SYTL1: variants seen among roughly 807,000 people sequenced by gnomAD.
The protein encoded by SYTL1 is synaptotagmin like 1.
Under a neutral mutation model 74.6 loss-of-function variants are expected in SYTL1, and 53 were observed. That is an observed-to-expected ratio of 0.71 (90% CI 0.57 to 0.89). SYTL1 has a LOEUF of 0.89. Among genes scored for constraint, SYTL1 ranks in the 40% least tolerant of loss-of-function variants. SYTL1 has a pLI of 0.00. For missense variants in SYTL1, 728 were observed against 768.7 expected (o/e 0.95, Z 0.63); for synonymous variants, 329 against 324.9 (o/e 1.01, Z -0.14).
chr1:27,349,371 C>G (rs1571039206), intron 6 of SYTL1, 27 bp from the exon 7 acceptor site: 1 of 1,353,490 alleles, frequency 7.4e-7, no homozygotes. Flanking sequence ...GGAGAGGGCT[C>G]GCTTAGCATC....
Position 27,347,616 on chromosome 1 carries a change from C to T in SYTL1, c.340+47C>T, listed in dbSNP as rs770618378. The T allele has an allele frequency of 6.4e-5, 103 of 1,599,070 alleles. 1 individual carries two copies. The highest frequency in any genetic ancestry group is 6.5e-5 in the Non-Finnish European group (76 of 1,171,750). On this transcript the variant is annotated intron_variant, in intron 3 of 14. Coordinates refer to ENST00000616558, the MANE Select transcript of SYTL1 (RefSeq NM_001193308.2). The surrounding 1 kb of genome is among the most constrained non-coding windows in gnomAD (Gnocchi z 4.9). ...AGGGCAAGCCATGTGCCGTCCAGGGCGCTGGCTGTATGTGGACAGGGAGAG... is the reference window on the plus strand; with the variant it reads ...AGGGCAAGCCATGTGCCGTCCAGGGTGCTGGCTGTATGTGGACAGGGAGAG...
In SYTL1 at chr1:27,350,799, C is replaced by T. The variant is rs115175073; in HGVS notation, c.1011C>T (p.Ser337=). 8.0e-3 allele frequency: 12,947 copies of T among 1,613,760 alleles called. 77 individuals are homozygous for T. The highest frequency in any genetic ancestry group is 0.01 in the Non-Finnish European group (11,949 of 1,180,022). The change falls in exon 11 of 15, where the codon TCC becomes TCT. Residue 337 remains serine (S), a synonymous_variant. Coordinates refer to ENST00000616558, the MANE Select transcript of SYTL1 (RefSeq NM_001193308.2). The surrounding 1 kb of genome is among the most constrained non-coding windows in gnomAD (Gnocchi z 6.3). ...AGCTCACCTCCTGTCCTCAGTACTC[C>T]GTCCCGCAGGCCGAGCTTCAGGGCC... is the stretch of plus-strand genomic sequence containing the variant. ...NPVFNETLRY[S]VPQAELQGRV...
Position 27,350,306 on chromosome 1 carries a change from C to G in SYTL1, c.909-83C>G, listed in dbSNP as rs970557903. ...CTTAGCACGAGGCCTGGCACGTGTT[C>G]GGGATGGTGGCTGGGGGAGCCCACA... On this transcript the variant is annotated intron_variant, in intron 9 of 14. Coordinates refer to ENST00000616558, the MANE Select transcript of SYTL1 (RefSeq NM_001193308.2). This position sits in a 1 kb window ranked among gnomAD's most constrained non-coding sequence, Gnocchi z 6.3. 9 of 1,504,824 alleles carry G rather than the reference C, an allele frequency of 6.0e-6. No homozygotes were observed. In the East Asian group the frequency reaches 2.0e-4, roughly 34 times the overall value. The allele number at this position is 1,504,824 out of a possible 1,614,324, so 93.2% of individuals were successfully genotyped here. A position where few individuals can be genotyped will look rare whatever the true frequency, so the allele number is the denominator to read the frequency against.
chr1:27,348,732 T>A lies in SYTL1; in HGVS notation c.460-348T>A, dbSNP rs4246507. ...CAATTAAAAATAATAAGAATAAATT[T>A]AAAAAAAGAAAAAAGGTTGTCTACC... On this transcript the variant is annotated intron_variant, in intron 5 of 14. Coordinates refer to ENST00000616558, the MANE Select transcript of SYTL1 (RefSeq NM_001193308.2). This position sits in a 1 kb window ranked among gnomAD's most constrained non-coding sequence, Gnocchi z 4.1. 0.67 allele frequency among the ~76,000 whole-genome samples: 102,093 copies of A among 151,770 alleles called. 35,125 individuals carry two copies. The highest frequency in any genetic ancestry group is 0.73 in the South Asian group (3,520 of 4,818).
Position 27,350,989 on chromosome 1 carries a change from C to T in SYTL1, c.1164+37C>T, listed in dbSNP as rs761723904. ...AGGCCGCGTGGGGAGACCTGCGGCCCGGGTCTCCTGCATTTACCCCACCAG... is the reference window on the plus strand; with the variant it reads ...AGGCCGCGTGGGGAGACCTGCGGCCTGGGTCTCCTGCATTTACCCCACCAG... On this transcript the variant is annotated intron_variant, in intron 11 of 14. Transcript: ENST00000616558. The surrounding 1 kb of genome is among the most constrained non-coding windows in gnomAD (Gnocchi z 6.3). The T allele has an allele frequency of 9.3e-6, 15 of 1,608,866 alleles. No individual in the cohort carries two copies. The highest frequency in any genetic ancestry group is 1.7e-5 in the Admixed American group (1 of 59,860).
chr1:27,349,157 G>T lies in SYTL1; in HGVS notation c.532+5G>T. ...AGGCGTCCCAGGCCCAGGAAGGTGAGTGGGAGCGCCTGTTGGGGAGCACGG... is the reference window on the plus strand; with the variant it reads ...AGGCGTCCCAGGCCCAGGAAGGTGATTGGGAGCGCCTGTTGGGGAGCACGG... On this transcript the variant is annotated splice_donor_5th_base_variant and intron_variant, in intron 6 of 14. Coordinates refer to ENST00000616558, the MANE Select transcript of SYTL1 (RefSeq NM_001193308.2). 1 of 1,613,334 alleles carries T rather than the reference G, an allele frequency of 6.2e-7. No homozygotes were observed. Among genetic ancestry groups the T allele is most frequent in the Non-Finnish European group, 8.5e-7 (1 of 1,179,342 alleles).
At chr1:27,349,943 C>A in intron 8 of SYTL1, 29 bp from the exon 9 acceptor site, 2 of 1,566,626 alleles carry the variant, frequency 1.3e-6, no homozygotes, top group Admixed American at 1.8e-5. Flanking sequence ...CTGCGAGCGG[C>A]CCTGACTCCC....
At chr1:27,352,122 C>G (rs1218125621) in intron 13 of SYTL1, 1 of 151,942 alleles carries the variant, frequency 6.6e-6, no homozygotes, top group Non-Finnish European at 1.5e-5. Context: ...GGTGGATCAC[C>G]TGAGGTCAGG....
rs1377247027 is a variant in SYTL1 at position 27,342,989 on chromosome 1, C to G, written c.-39+839C>G. Reference sequence around the variant, plus strand: ...TGCACACCGTGCAGCCGTGCTGAGGCCTTCTGCTCCTGAGGGTGTCAAGAG... The same window carrying G: ...TGCACACCGTGCAGCCGTGCTGAGGGCTTCTGCTCCTGAGGGTGTCAAGAG... On this transcript the variant is annotated intron_variant, in intron 1 of 14. Coordinates refer to ENST00000616558, the MANE Select transcript of SYTL1 (RefSeq NM_001193308.2). This position sits in a 1 kb window ranked among gnomAD's most constrained non-coding sequence, Gnocchi z 4.7. 2.0e-5 allele frequency among the ~76,000 whole-genome samples: 3 copies of G among 152,360 alleles called. No individual in the cohort carries two copies. The highest frequency in any genetic ancestry group is 7.2e-5 in the African/African-American group (3 of 41,576).
Position 27,353,247 on chromosome 1 carries a change from G to T in SYTL1, c.1344-36G>T, listed in dbSNP as rs370313231. 10 of 1,553,812 alleles carry T rather than the reference G, an allele frequency of 6.4e-6. No individual in the cohort carries two copies. The Middle Eastern group carries it at 5.0e-4, about 78-fold the overall frequency. ...GACTGGATGACTCTAGGGAGTGTGA[G>T]GGGGGTCACCTGATGCCAGGCCACC... On this transcript the variant is annotated intron_variant, in intron 13 of 14. Coordinates refer to ENST00000616558, the MANE Select transcript of SYTL1 (RefSeq NM_001193308.2).
rs1272972366 is a variant in SYTL1 at position 27,350,051 on chromosome 1, A to ACGAGC, written c.830_834dup (p.Gly279SerfsTer11). 1.3e-6 allele frequency: 2 copies of ACGAGC among 1,518,826 alleles called. No homozygotes were observed. Among genetic ancestry groups the ACGAGC allele is most frequent in the African/African-American group, 2.9e-5 (2 of 69,206 alleles). 94.1% of individuals were successfully genotyped at this position (1,518,826 alleles called of 1,614,324 possible). On this transcript the variant is annotated frameshift_variant, in exon 9 of 15. Transcript: ENST00000616558. LOFTEE classifies it high-confidence loss of function. This position sits in a 1 kb window ranked among gnomAD's most constrained non-coding sequence, Gnocchi z 6.3. ...GGCTCCGTGCACTTCGCGCTGCACTACGAGCCGGGCGCCGCCGAGCTGCGC... is the reference window on the plus strand; with the variant it reads ...GGCTCCGTGCACTTCGCGCTGCACTACGAGCCGAGCCGGGCGCCGCCGAGCTGCGC...
chr1:27,350,235 C>T lies in SYTL1; in HGVS notation c.908+103C>T. On this transcript the variant is annotated intron_variant, in intron 9 of 14. Coordinates refer to ENST00000616558, the MANE Select transcript of SYTL1 (RefSeq NM_001193308.2). The surrounding 1 kb of genome is among the most constrained non-coding windows in gnomAD (Gnocchi z 6.3). ...CTCATCTTCAAAATGGGAACAACAG[C>T]GTTATTGGGAGGCGTGCGATTAAGC... The T allele has an allele frequency of 6.1e-6, 9 of 1,482,468 alleles. No homozygotes were observed. Among genetic ancestry groups the T allele is most frequent in the African/African-American group, 1.4e-5 (1 of 71,918 alleles). The allele number at this position is 1,482,468 out of a possible 1,614,324, so 91.8% of individuals were successfully genotyped here.
rs966110774 is a variant in SYTL1, at chr1:27,351,436, T to C, written c.1244-20T>C. ...GGTGGACTCCATCCGTGTGCGGGCCTGAGCCGAGCCTCTCCGCAGGCGCAG... is the reference window on the plus strand; with the variant it reads ...GGTGGACTCCATCCGTGTGCGGGCCCGAGCCGAGCCTCTCCGCAGGCGCAG... On this transcript the variant is annotated intron_variant, in intron 12 of 14. Transcript: ENST00000616558. The surrounding 1 kb of genome is among the most constrained non-coding windows in gnomAD (Gnocchi z 5.0). 1.3e-6 allele frequency: 2 copies of C among 1,513,492 alleles called. No homozygotes were observed. Among genetic ancestry groups the C allele is most frequent in the Non-Finnish European group, 1.8e-6 (2 of 1,126,698 alleles). 93.8% of individuals were successfully genotyped at this position (1,513,492 alleles called of 1,614,324 possible).
chr1:27,353,356 T>C lies in SYTL1; in HGVS notation c.1417T>C (p.Phe473Leu). ...RVVRRSLSPVFNHTMVYDGFG... is the reference protein window; with the variant it reads ...RVVRRSLSPVLNHTMVYDGFG... The stretch of plus-strand genomic sequence containing the variant: ...TGTGCGACGCAGCCTCAGCCCTGTG[T>C]TCAATCACACCATGGTGTACGATGG... The change falls in exon 14 of 15, where the codon TTC (phenylalanine) becomes CTC (leucine). Residue 473 changes from phenylalanine (F) to leucine (L), a missense_variant. By Grantham distance (22) the Phe-to-Leu change is conservative. Coordinates refer to ENST00000616558, the MANE Select transcript of SYTL1 (RefSeq NM_001193308.2). The C allele has an allele frequency of 6.2e-7, 1 of 1,611,362 alleles. No homozygotes were observed. The highest frequency in any genetic ancestry group is 1.1e-5 in the South Asian group (1 of 90,224).
rs940959604 is a variant in SYTL1 at position 27,345,594 on chromosome 1, G to A, written c.191+69G>A. 2.1e-5 allele frequency: 23 copies of A among 1,071,570 alleles called. No homozygotes were observed. The highest frequency in any genetic ancestry group is 3.2e-5 in the African/African-American group (2 of 61,956). The allele number at this position is 1,071,570 out of a possible 1,614,324, so 66.4% of individuals were successfully genotyped here. ...AGTGGCCCCCATCCTGCTCCCTACC[G>A]ACACCACTGCCTGTCAGATGTCTGC... On this transcript the variant is annotated intron_variant, in intron 2 of 14. Coordinates refer to ENST00000616558, the MANE Select transcript of SYTL1 (RefSeq NM_001193308.2). This position sits in a 1 kb window ranked among gnomAD's most constrained non-coding sequence, Gnocchi z 6.0.
Position 27,347,740 on chromosome 1 carries a change from G to C in SYTL1, c.341-68G>C. The C allele has an allele frequency of 6.4e-7, 1 of 1,560,022 alleles. No individual in the cohort carries two copies. The highest frequency in any genetic ancestry group is 8.7e-7 in the Non-Finnish European group (1 of 1,148,412). On this transcript the variant is annotated intron_variant, in intron 3 of 14. Coordinates refer to ENST00000616558, the MANE Select transcript of SYTL1 (RefSeq NM_001193308.2). The surrounding 1 kb of genome is among the most constrained non-coding windows in gnomAD (Gnocchi z 4.9). The stretch of plus-strand genomic sequence containing the variant: ...CATGGGGTGGGTGGGTATCTCCCAG[G>C]GCCTCTCCCGAGTCACAGCCAGGCT...
chr1:27,350,280 G>A lies in SYTL1; in HGVS notation c.909-109G>A, dbSNP rs751914307. 5 of 1,485,198 alleles carry A rather than the reference G, an allele frequency of 3.4e-6. No individual in the cohort carries two copies. The East Asian group carries it at 9.0e-5, about 27-fold the overall frequency. 92.0% of individuals were successfully genotyped at this position (1,485,198 alleles called of 1,614,324 possible). A position where few individuals can be genotyped will look rare whatever the true frequency, so the allele number is the denominator to read the frequency against. On this transcript the variant is annotated intron_variant, in intron 9 of 14. Coordinates refer to ENST00000616558, the MANE Select transcript of SYTL1 (RefSeq NM_001193308.2). The surrounding 1 kb of genome is among the most constrained non-coding windows in gnomAD (Gnocchi z 6.3). ...TTAAGCGAGACAATCCCTGTAAAGC[G>A]CTTAGCACGAGGCCTGGCACGTGTT...
rs778958847 is a variant in SYTL1 at position 27,350,779 on chromosome 1, ACC to A, written c.1006-14_1006-13del. On this transcript the variant is annotated splice_polypyrimidine_tract_variant and intron_variant, in intron 10 of 14. Transcript: ENST00000616558. This position sits in a 1 kb window ranked among gnomAD's most constrained non-coding sequence, Gnocchi z 6.3. Reference sequence around the variant, plus strand: ...CACCAGCAGTGCTCCACTAAAGCTCACCTCCTGTCCTCAGTACTCCGTCCCGC... The same window carrying A: ...CACCAGCAGTGCTCCACTAAAGCTCATCCTGTCCTCAGTACTCCGTCCCGC... The A allele has an allele frequency of 1.9e-6, 3 of 1,612,054 alleles. No individual in the cohort carries two copies. In the South Asian group the frequency reaches 3.3e-5, roughly 18 times the overall value.
intron 6 of SYTL1, 69 bp downstream of exon 6, chr1:27,349,221 A>G: frequency 6.4e-7 from 1 of 1,559,356 alleles, no homozygotes; most frequent in Admixed American, 1.8e-5. Context: ...AAGGGGCCCC[A>G]ACCACCTGTG....
Sources: allele counts gnomAD v4.1 joint callset (sites outside exome capture counted in the v4.1 genomes callset), GRCh38; gene constraint gnomAD v4.1.1; non-coding constraint Gnocchi (gnomAD v3.1); transcripts MANE v1.5; gene names NCBI Gene and HGNC (gene_info 2026-07-23, HGNC 2026-07-21).